SLC15A2: variants seen among roughly 807,000 people sequenced by gnomAD.
The protein encoded by SLC15A2 is solute carrier family 15 member 2.
A neutral mutation model predicts 95.5 loss-of-function variants in SLC15A2; 77 were observed. The ratio of observed to expected loss-of-function variants is 0.81; its 90% CI spans 0.67 to 0.97. The LOEUF is 0.97. Ranked by LOEUF, SLC15A2 falls within the 50% of genes least tolerant of loss-of-function variation. The pLI, the probability that SLC15A2 is intolerant of heterozygous loss-of-function variation, is 0.00. For missense variants in SLC15A2, 893 were observed against 874.4 expected, an observed-to-expected ratio of 1.02 and a Z score of -0.27; for synonymous variants, 306 against 306.9, an observed-to-expected ratio of 1.00 and a Z score of 0.03.
chr3:121,898,305 T>C (rs1231584554), intron 3 of SLC15A2, among the ~76,000 whole-genome samples: 1 of 152,220 alleles, frequency 6.6e-6, no homozygotes, highest in Non-Finnish European at 1.5e-5. Context: ...TCTATTTCTC[T>C]TCTCTAATGT....
chr3:121,921,746 T>C (rs572396937), intron 7 of SLC15A2, among the ~76,000 whole-genome samples: 30 of 151,550 alleles, frequency 2.0e-4, no homozygotes, highest in Non-Finnish European at 2.5e-4. Context: ...ATTTTAATAA[T>C]CCAAAGTACA....
At chr3:121,938,932 C>T (rs1710405127) in intron 19 of SLC15A2, among the ~76,000 whole-genome samples, 1 of 152,184 alleles carries the variant, frequency 6.6e-6, no homozygotes, top group Non-Finnish European at 1.5e-5. Flanking sequence ...CATAGCAGGC[C>T]TGGGCATAGC....
chr3:121,928,443 G>A lies in SLC15A2; in HGVS notation c.1229G>A (p.Gly410Asp), dbSNP rs746702142. The change falls in exon 15 of 22, where the codon GGT becomes GAT. Residue 410 changes from glycine (G) to aspartate (D), a missense_variant. Transcript: ENST00000489711. Reference sequence around the variant, plus strand: ...AAGGAAATGGCCCCAGCCCAGCCAGGTCCCCAGGAGGTTTTCCTACAAGTC... The same window carrying A: ...AAGGAAATGGCCCCAGCCCAGCCAGATCCCCAGGAGGTTTTCCTACAAGTC... Reference protein sequence around the residue: ...KINEMAPAQPGPQEVFLQVLN... With the variant: ...KINEMAPAQPDPQEVFLQVLN... 1 of 1,613,980 alleles carries A rather than the reference G, an allele frequency of 6.2e-7. No individual in the cohort carries two copies. Among genetic ancestry groups the A allele is most frequent in the Non-Finnish European group, 8.5e-7 (1 of 1,179,894 alleles).
intron 3 of SLC15A2, among the ~76,000 whole-genome samples, chr3:121,898,645 G>A (rs1709465910): frequency 6.6e-6 from 1 of 152,196 alleles, no homozygotes; most frequent in Non-Finnish European, 1.5e-5. Context: ...GTTAGGCTGA[G>A]CAAAGCTAAA....
rs1709799749 is a variant in SLC15A2 at position 121,912,913 on chromosome 3, G to A, written c.429-108G>A. 4.2e-6 allele frequency: 3 copies of A among 708,350 alleles called. No individual in the cohort carries two copies. In the South Asian group the frequency reaches 6.1e-5, roughly 14 times the overall value. 43.9% of individuals were successfully genotyped at this position (708,350 alleles called of 1,614,324 possible). ...AGTACCCATGGGGTAGAAATGTGAA[G>A]GGGATCTTTGCCCTTGTACACATTT... On this transcript the variant is annotated intron_variant, in intron 4 of 21. Coordinates refer to ENST00000489711, the MANE Select transcript of SLC15A2 (RefSeq NM_021082.4).
At chr3:121,902,827 C>T (rs959511419) in intron 3 of SLC15A2, among the ~76,000 whole-genome samples, 6 of 152,176 alleles carry the variant, frequency 3.9e-5, no homozygotes, top group African/African-American at 1.2e-4. Flanking sequence ...CATATGTATG[C>T]ATGTGTCTTT....
At chr3:121,938,636 G>A (rs1262870698) in intron 19 of SLC15A2, among the ~76,000 whole-genome samples, 1 of 151,412 alleles carries the variant, frequency 6.6e-6, no homozygotes, top group African/African-American at 2.4e-5. Context: ...CACACGGTGT[G>A]CTGCACCCAC....
In SLC15A2 at chr3:121,939,372, C is replaced by A. The variant is rs1224680639; in HGVS notation, c.1785C>A (p.Ala595=). Residue 595 remains alanine, a synonymous_variant, in exon 20 of 22, where the codon GCC becomes GCA. Coordinates refer to ENST00000489711, the MANE Select transcript of SLC15A2 (RefSeq NM_021082.4). ...AGAACACCAATCAGGGTCTTCAGGC[C>A]TGGAAGATTGAAGACATTCCAGCCA... ...ITNNTNQGLQ[A]WKIEDIPANK... The A allele has an allele frequency of 1.3e-6, 2 of 1,563,064 alleles. No individual in the cohort carries two copies.
At chr3:121,935,315 A>G (rs1277443470) in intron 19 of SLC15A2, among the ~76,000 whole-genome samples, 2 of 152,062 alleles carry the variant, frequency 1.3e-5, no homozygotes, top group Non-Finnish European at 1.5e-5. Context: ...TTTTCTATTG[A>G]TTGGAATAGT....
intron 7 of SLC15A2, among the ~76,000 whole-genome samples, chr3:121,920,762 A>G (rs9828757): frequency 0.75 from 114,305 of 151,874 alleles, 43,227 homozygotes; most frequent in East Asian, 0.87. Context: ...GAGTGAATCT[A>G]AATGAGACGA....
chr3:121,895,906 AGC>A (rs1388999719), intron 1 of SLC15A2, among the ~76,000 whole-genome samples: 9 of 152,300 alleles, frequency 5.9e-5, no homozygotes, highest in African/African-American at 2.2e-4. Flanking sequence ...GCCTGACTCC[AGC>A]AGCCTCTGAA....
At chr3:121,923,323 G>T (rs1309878985) in intron 11 of SLC15A2, 57 bp downstream of exon 11, 4 of 1,538,590 alleles carry the variant, frequency 2.6e-6, no homozygotes, top group African/African-American at 1.4e-5. Flanking sequence ...TCCATATTGG[G>T]GAAAAATTAA....
At position 121,912,954 on chromosome 3, in the gene SLC15A2, T is replaced by G. The variant is rs1709803491; in HGVS notation, c.429-67T>G. The stretch of plus-strand genomic sequence containing the variant: ...GTACACATTTTTTCCCCTCTGCAGC[T>G]CTGTAGTCCATCTCTACAGGTGCAT... On this transcript the variant is annotated intron_variant, in intron 4 of 21. Coordinates refer to ENST00000489711, the MANE Select transcript of SLC15A2 (RefSeq NM_021082.4). The G allele has an allele frequency of 2.7e-6, 3 of 1,112,752 alleles. No individual in the cohort carries two copies. The Admixed American group carries it at 5.4e-5, about 20-fold the overall frequency. The allele number at this position is 1,112,752 out of a possible 1,614,324, so 68.9% of individuals were successfully genotyped here.
intron 3 of SLC15A2, among the ~76,000 whole-genome samples, chr3:121,898,177 T>C (rs1321680440): frequency 1.4e-5 from 2 of 147,272 alleles, no homozygotes; most frequent in Non-Finnish European, 3.0e-5. Flanking sequence ...AAAAAAAAAA[T>C]TGAAATTTTG....
At chr3:121,897,669 G>T in intron 3 of SLC15A2, 140 bp downstream of exon 3, 1 of 759,322 alleles carries the variant, frequency 1.3e-6, no homozygotes, top group Non-Finnish European at 2.0e-6. Flanking sequence ...TGTGTAGTGT[G>T]GGAAATTTAA....
chr3:121,924,412 C>G (rs1165725701), intron 12 of SLC15A2, 29 bp downstream of exon 12: 2 of 1,603,816 alleles, frequency 1.2e-6, no homozygotes, highest in Admixed American at 1.7e-5. Context: ...GCCATGGGGA[C>G]TTATTTGTTT....
At chr3:121,906,761 A>T (rs1709654977) in intron 3 of SLC15A2, among the ~76,000 whole-genome samples, 1 of 152,112 alleles carries the variant, frequency 6.6e-6, no homozygotes, top group Admixed American at 6.5e-5. Flanking sequence ...TTTGTGGGTA[A>T]CCCGACCTTT....
Position 121,897,407 on chromosome 3 carries a change from C to T in SLC15A2, c.213C>T (p.Phe71=), listed in dbSNP as rs200627431. Residue 71 remains phenylalanine, a synonymous_variant, in exon 3 of 22, where the codon TTC becomes TTT. Transcript: ENST00000489711. ...CTACAGCTGTGCTGATCCTGTATTT[C>T]CTGTATTTCCTGCACTGGAATGAAG... ...YGMKAVLILY[F]LYFLHWNEDT... is the part of the protein sequence containing the mutation. 85 of 1,614,012 alleles carry T rather than the reference C, an allele frequency of 5.3e-5. No individual in the cohort carries two copies. Among genetic ancestry groups the T allele is most frequent in the Non-Finnish European group, 7.0e-5 (83 of 1,179,944 alleles).
At chr3:121,919,552 T>C (rs1161992894) in intron 7 of SLC15A2, among the ~76,000 whole-genome samples, 2 of 152,096 alleles carry the variant, frequency 1.3e-5, no homozygotes, top group Admixed American at 1.3e-4. Flanking sequence ...TTAAAAGGCA[T>C]CATCCAAAAG....
Sources: allele counts gnomAD v4.1 joint callset (sites outside exome capture counted in the v4.1 genomes callset), GRCh38; gene constraint gnomAD v4.1.1; transcripts MANE v1.5; gene names NCBI Gene and HGNC (gene_info 2026-07-23, HGNC 2026-07-21).